CDK17: variants seen among roughly 807,000 people sequenced by gnomAD.
The protein encoded by CDK17 is cyclin-dependent kinase 17.
A neutral mutation model predicts 77.6 loss-of-function variants in CDK17; 24 were observed. The observed-to-expected ratio is 0.31, with a 90% CI of 0.22 to 0.44. The LOEUF is 0.44. Among genes scored for constraint, CDK17 ranks in the 20% least tolerant of loss-of-function variants. The pLI, the probability that CDK17 is intolerant of heterozygous loss-of-function variation, is 1.00. For synonymous variants in CDK17, 203 were observed against 210.4 expected (o/e 0.96, Z 0.30); for missense variants, 429 against 622.5 (o/e 0.69, Z 3.31).
intron 1 of CDK17, among the ~76,000 whole-genome samples, chr12:96,384,495 TGGAATCAACCTA>T (rs573264680): frequency 5.4e-4 from 82 of 152,254 alleles, no homozygotes; most frequent in Middle Eastern, 3.4e-3. Context: ...AGCAAAGACA[TGGAATCAACCTA>T]GGTGCCCACT....
chr12:96,342,437 CT>C (rs1234659586), intron 1 of CDK17, among the ~76,000 whole-genome samples: 3 of 152,116 alleles, frequency 2.0e-5, no homozygotes, highest in Non-Finnish European at 4.4e-5. Context: ...TGGTGTGCAC[CT>C]GTAATCCCAG....
At chr12:96,337,203 G>T (rs1565825375) in intron 1 of CDK17, among the ~76,000 whole-genome samples, 1 of 151,988 alleles carries the variant, frequency 6.6e-6, no homozygotes, top group Non-Finnish European at 1.5e-5. Context: ...CTATGGTGTG[G>T]CTCTTCACTA....
intron 1 of CDK17, among the ~76,000 whole-genome samples, chr12:96,336,680 CT>C (rs1953045010): frequency 1.3e-5 from 2 of 152,290 alleles, no homozygotes; most frequent in Middle Eastern, 6.8e-3. Context: ...ATGTTTTCTA[CT>C]AACGTATCCT....
At chr12:96,305,436 G>C (rs1952564917) in intron 5 of CDK17, among the ~76,000 whole-genome samples, 1 of 152,150 alleles carries the variant, frequency 6.6e-6, no homozygotes, top group Non-Finnish European at 1.5e-5. Flanking sequence ...TGGGTATGTG[G>C]TATAGAAGAA....
At chr12:96,388,487 G>A (rs1332016262) in intron 1 of CDK17, among the ~76,000 whole-genome samples, 2 of 152,138 alleles carry the variant, frequency 1.3e-5, no homozygotes, top group African/African-American at 4.8e-5. Context: ...GGTGGGAGTA[G>A]AGGCATATTA....
intron 11 of CDK17, among the ~76,000 whole-genome samples, chr12:96,288,798 ATT>A (rs1952279252): frequency 6.6e-6 from 1 of 152,190 alleles, no homozygotes; most frequent in African/African-American, 2.4e-5. Flanking sequence ...TAAAATGATA[ATT>A]TTGTTTTAAA....
intron 1 of CDK17, 41 bp downstream of exon 1, chr12:96,399,945 A>C: frequency 2.8e-6 from 1 of 351,570 alleles, no homozygotes; most frequent in Non-Finnish European, 5.1e-6. Context: ...CCGACCCGAC[A>C]CCAGGGGAAA....
intron 1 of CDK17, among the ~76,000 whole-genome samples, chr12:96,370,147 AATGT>A (rs576128073): frequency 2.7e-3 from 408 of 152,320 alleles, no homozygotes; most frequent in Non-Finnish European, 5.4e-3. Context: ...ATTTAACCAA[AATGT>A]ATGTGAGAAA....
rs573653946 is a variant in CDK17 at position 96,371,214 on chromosome 12, C to A, written c.-30+28772G>T. Among the ~76,000 whole-genome samples, 7 of 151,416 alleles carry A rather than the reference C, an allele frequency of 4.6e-5. No individual in the cohort carries two copies. The East Asian group carries it at 1.4e-3, about 29-fold the overall frequency. Reference sequence around the variant, plus strand: ...TTCTAAATTAACATTATACTTTATCCTCTAATTAGCATAAGAGATTCTACA... The same window carrying A: ...TTCTAAATTAACATTATACTTTATCATCTAATTAGCATAAGAGATTCTACA... On this transcript the variant is annotated intron_variant, in intron 1 of 16. Coordinates refer to ENST00000261211, the MANE Select transcript of CDK17 (RefSeq NM_002595.5).
intron 1 of CDK17, among the ~76,000 whole-genome samples, chr12:96,344,806 TG>T (rs1843159431): frequency 6.6e-6 from 1 of 152,174 alleles, no homozygotes; most frequent in Non-Finnish European, 1.5e-5. Flanking sequence ...TTGCTTTTCT[TG>T]TTTTTTTAAT....
At chr12:96,325,854 C>G (rs1209224201) in intron 2 of CDK17, among the ~76,000 whole-genome samples, 1 of 152,078 alleles carries the variant, frequency 6.6e-6, no homozygotes, top group Non-Finnish European at 1.5e-5. Context: ...ATACAGGCTA[C>G]AGCATACAAT....
intron 9 of CDK17, among the ~76,000 whole-genome samples, chr12:96,295,856 G>C (rs1431033158): frequency 6.6e-6 from 1 of 152,180 alleles, no homozygotes; most frequent in East Asian, 1.9e-4. Context: ...TTGGTAGAAA[G>C]AGGGTTACGG....
At chr12:96,283,671 A>C (rs775826341) in intron 13 of CDK17, 26 bp from the exon 14 acceptor site, 1 of 1,519,972 alleles carries the variant, frequency 6.6e-7, no homozygotes, top group South Asian at 1.2e-5. Flanking sequence ...AACAAGTAAA[A>C]ATTTATGCTC....
chr12:96,339,245 G>C (rs940740943), intron 1 of CDK17, among the ~76,000 whole-genome samples: 8 of 152,134 alleles, frequency 5.3e-5, no homozygotes, highest in African/African-American at 1.7e-4. Context: ...TTACAGCACA[G>C]AACTGAGCTA....
At chr12:96,302,275 T>G (rs1952517420) in intron 5 of CDK17, among the ~76,000 whole-genome samples, 1 of 152,234 alleles carries the variant, frequency 6.6e-6, no homozygotes, top group Non-Finnish European at 1.5e-5. Context: ...TAGCCCACTA[T>G]CTGGTACATG....
intron 2 of CDK17, among the ~76,000 whole-genome samples, chr12:96,327,602 C>T (rs1952908305): frequency 1.3e-5 from 2 of 151,990 alleles, no homozygotes; most frequent in Admixed American, 1.3e-4. Context: ...GGCTGAAGTG[C>T]AGTGGTGCAG....
intron 1 of CDK17, among the ~76,000 whole-genome samples, chr12:96,344,799 CT>C (rs1395089035): frequency 6.6e-6 from 1 of 151,932 alleles, no homozygotes; most frequent in Non-Finnish European, 1.5e-5. Flanking sequence ...TAACTTTTTG[CT>C]TTTCTTGTTT....
chr12:96,311,608 T>TTTTTTTTTTTTTTTTTTTTTTGAG (rs1555200976), intron 4 of CDK17, among the ~76,000 whole-genome samples: 3 of 148,478 alleles, frequency 2.0e-5, no homozygotes, highest in African/African-American at 7.5e-5. Context: ...CTACTTTATT[T>TTTTTTTTTTTTTTTTTTTTTTGAG]AATTATACAA....
At chr12:96,281,197 A>C (rs543316819) in intron 15 of CDK17, among the ~76,000 whole-genome samples, 1 of 152,232 alleles carries the variant, frequency 6.6e-6, no homozygotes, top group East Asian at 1.9e-4. Context: ...CAGTCAAAAT[A>C]TATTATTATA....
Sources: allele counts gnomAD v4.1 joint callset (sites outside exome capture counted in the v4.1 genomes callset), GRCh38; gene constraint gnomAD v4.1.1; transcripts MANE v1.5; gene names NCBI Gene and HGNC (gene_info 2026-07-23, HGNC 2026-07-21).